Variants in TP63 observed in about 807,000 individuals in gnomAD.
The protein encoded by TP63 is tumor protein p63, also known as tumor protein 63.
TP63 carries 17 observed loss-of-function variants against 82.8 expected under a neutral mutation model. The ratio of observed to expected loss-of-function variants is 0.21; its 90% CI spans 0.14 to 0.31. TP63 has a LOEUF of 0.31. TP63 is among the 10% of genes least tolerant of loss of function. The pLI is 1.00. For missense variants in TP63, 648 were observed against 895.3 expected, an observed-to-expected ratio of 0.72 and a Z score of 3.52; for synonymous variants, 330 against 321.7, an observed-to-expected ratio of 1.03 and a Z score of -0.28.
intron 13 of TP63, 137 bp downstream of exon 13, chr3:189,891,019 C>T: frequency 1.3e-6 from 1 of 759,798 alleles, no homozygotes; most frequent in East Asian, 2.7e-5. Flanking sequence ...TGATAGAACC[C>T]ATAACTATGT....
intron 7 of TP63, among the ~76,000 whole-genome samples, chr3:189,868,237 A>C (rs975654284): frequency 6.6e-6 from 1 of 152,196 alleles, no homozygotes; most frequent in Non-Finnish European, 1.5e-5. Context: ...AAGGCATTTC[A>C]CAGTTTTTTT....
intron 4 of TP63, among the ~76,000 whole-genome samples, chr3:189,831,127 T>C (rs908132089): frequency 2.0e-5 from 3 of 152,152 alleles, no homozygotes. Context: ...TAAAAACCCA[T>C]AGGGGTTCAG....
At chr3:189,845,262 C>T (rs1384665938) in intron 4 of TP63, among the ~76,000 whole-genome samples, 2 of 152,130 alleles carry the variant, frequency 1.3e-5, no homozygotes, top group African/African-American at 4.8e-5. Context: ...ATTAGAAGTG[C>T]ACCTGGCATT....
chr3:189,764,672 T>TA (rs537426528), intron 3 of TP63, among the ~76,000 whole-genome samples: 48 of 151,988 alleles, frequency 3.2e-4, no homozygotes, highest in South Asian at 1.0e-3. Flanking sequence ...ACTTGTAGAT[T>TA]AAAAAAAATA....
At chr3:189,704,987 T>C (rs1718093279) in intron 1 of TP63, among the ~76,000 whole-genome samples, 1 of 152,212 alleles carries the variant, frequency 6.6e-6, no homozygotes, top group Non-Finnish European at 1.5e-5. Flanking sequence ...AGAAACCTAG[T>C]GTTCCAAATA....
At chr3:189,714,602 C>T (rs1019071347) in intron 1 of TP63, among the ~76,000 whole-genome samples, 1 of 152,146 alleles carries the variant, frequency 6.6e-6, no homozygotes, top group African/African-American at 2.4e-5. Context: ...GACTGTATCT[C>T]TCACTGATGT....
chr3:189,637,402 A>G (rs1256701109), intron 1 of TP63, among the ~76,000 whole-genome samples: 1 of 152,170 alleles, frequency 6.6e-6, no homozygotes, highest in Non-Finnish European at 1.5e-5. Flanking sequence ...TCATGTAAGC[A>G]TACCTCAAGT....
chr3:189,706,031 G>A (rs375965872), intron 1 of TP63, among the ~76,000 whole-genome samples: 2 of 152,162 alleles, frequency 1.3e-5, no homozygotes, highest in African/African-American at 4.8e-5. Flanking sequence ...CTAATAAAGT[G>A]TGGAATTCTC....
chr3:189,845,226 T>C (rs1204844026), intron 4 of TP63, among the ~76,000 whole-genome samples: 1 of 152,188 alleles, frequency 6.6e-6, no homozygotes, highest in African/African-American at 2.4e-5. Context: ...CTTTACCTCT[T>C]AAGTTTTTTG....
At chr3:189,804,828 G>GTA (rs1474467142) in intron 3 of TP63, among the ~76,000 whole-genome samples, 4 of 152,196 alleles carry the variant, frequency 2.6e-5, no homozygotes, top group Admixed American at 2.6e-4. Flanking sequence ...AGACAACGGA[G>GTA]TATACTACTT....
At chr3:189,776,908 C>T (rs920423449) in intron 3 of TP63, among the ~76,000 whole-genome samples, 1 of 152,136 alleles carries the variant, frequency 6.6e-6, no homozygotes, top group African/African-American at 2.4e-5. Context: ...ATTCTAGGGT[C>T]TTTTAAATGT....
At position 189,889,334 on chromosome 3, in the gene TP63, G is replaced by A. The variant is rs989997288; in HGVS notation, c.1508-6G>A. The A allele has an allele frequency of 2.5e-6, 4 of 1,614,034 alleles. No individual in the cohort carries two copies. Among genetic ancestry groups the A allele is most frequent in the East Asian group, 2.2e-5 (1 of 44,888 alleles). On this transcript the variant is annotated splice_region_variant and splice_polypyrimidine_tract_variant and intron_variant, in intron 11 of 13. Transcript: ENST00000264731. ...AACCCTTTTTGTTCCTCCTGCTTCTGTTCAGTTCCCATGATGGGCACCCAC... is the reference window on the plus strand; with the variant it reads ...AACCCTTTTTGTTCCTCCTGCTTCTATTCAGTTCCCATGATGGGCACCCAC...
At chr3:189,701,524 T>TATATATATATATATATATATATAC in intron 1 of TP63, among the ~76,000 whole-genome samples, 2 of 23,498 alleles carry the variant, frequency 8.5e-5, no homozygotes, top group Admixed American at 8.4e-4. Context: ...TATATATACA[T>TATATATATATATATATATATATAC]ATATATATAT....
intron 4 of TP63, among the ~76,000 whole-genome samples, chr3:189,809,401 G>A (rs1328086408): frequency 6.6e-6 from 1 of 152,130 alleles, no homozygotes; most frequent in African/African-American, 2.4e-5. Flanking sequence ...AGTGTATTTT[G>A]AAATGTATTA....
intron 3 of TP63, among the ~76,000 whole-genome samples, chr3:189,751,703 G>T (rs968932170): frequency 6.6e-6 from 1 of 152,136 alleles, no homozygotes; most frequent in African/African-American, 2.4e-5. Context: ...TGAGTTCTTT[G>T]TGGGTTTTGG....
intron 1 of TP63, among the ~76,000 whole-genome samples, chr3:189,688,690 A>G (rs1443366124): frequency 6.6e-6 from 1 of 152,180 alleles, no homozygotes; most frequent in East Asian, 1.9e-4. Flanking sequence ...ATCCACTGTG[A>G]CAGTATCTGG....
chr3:189,674,466 AC>A (rs1215972724), intron 1 of TP63, among the ~76,000 whole-genome samples: 2 of 152,274 alleles, frequency 1.3e-5, no homozygotes, highest in Admixed American at 6.5e-5. Context: ...TAAGACAGGG[AC>A]ACAGAAGCGT....
chr3:189,653,939 G>T (rs1713106242), intron 1 of TP63, among the ~76,000 whole-genome samples: 1 of 152,050 alleles, frequency 6.6e-6, no homozygotes, highest in African/African-American at 2.4e-5. Context: ...GTGTTTCATG[G>T]GGTCCTAAGT....
At chr3:189,842,916 G>A (rs1401530216) in intron 4 of TP63, among the ~76,000 whole-genome samples, 2 of 152,198 alleles carry the variant, frequency 1.3e-5, no homozygotes, top group Admixed American at 1.3e-4. Context: ...TACTGGTCAG[G>A]TGGGGTTGAC....
Sources: gnomAD v4.1 joint callset for allele counts (sites outside exome capture counted in the v4.1 genomes callset) on GRCh38, gnomAD v4.1.1 for gene constraint, MANE v1.5 for transcripts, NCBI Gene and HGNC (gene_info 2026-07-23, HGNC 2026-07-21) for gene names.